AKAP1: variants seen among roughly 807,000 people sequenced by gnomAD.
AKAP1 encodes A-kinase anchoring protein 1.
A neutral mutation model predicts 79.8 loss-of-function variants in AKAP1; 32 were observed. The observed-to-expected ratio is 0.40, with a 90% CI of 0.30 to 0.54. The LOEUF (loss-of-function observed/expected upper bound fraction) is 0.54, where lower values mean the gene tolerates loss of function less well. AKAP1 is among the 20% of genes least tolerant of loss of function. The pLI is 0.47. For missense variants in AKAP1, 961 were observed against 1,138.9 expected (o/e 0.84, Z 2.25); for synonymous variants, 416 against 466.7 (o/e 0.89, Z 1.40).
Position 57,116,740 on chromosome 17 carries a change from C to G in AKAP1, c.2433-120C>G, listed in dbSNP as rs181455849. 4 of 978,852 alleles carry G rather than the reference C, an allele frequency of 4.1e-6. No individual in the cohort carries two copies. In the African/African-American group the frequency reaches 4.8e-5, roughly 12 times the overall value. 60.6% of individuals were successfully genotyped at this position (978,852 alleles called of 1,614,324 possible). A position where few individuals can be genotyped will look rare whatever the true frequency, so the allele number is the denominator to read the frequency against. On this transcript the variant is annotated intron_variant, in intron 7 of 10. Transcript: ENST00000337714. ...GTGAGCCGTGGCCTCCTGCAAAGTA[C>G]GAACCCTCTGCTTTGCTGCATCCCA...
chr17:57,118,085 G>T (rs1322330962), intron 8 of AKAP1, among the ~76,000 whole-genome samples: 2 of 152,178 alleles, frequency 1.3e-5, no homozygotes, highest in South Asian at 2.1e-4. Context: ...TGGTGGGGGT[G>T]GGGGTGGTGC....
At chr17:57,111,148 T>C (rs1193481692) in intron 3 of AKAP1, among the ~76,000 whole-genome samples, 3 of 152,162 alleles carry the variant, frequency 2.0e-5, no homozygotes, top group Admixed American at 6.5e-5. Context: ...CAGTAGCTCC[T>C]CCGGGAGGGG....
intron 2 of AKAP1, 67 bp from the exon 3 acceptor site, chr17:57,109,958 T>G: frequency 1.3e-6 from 2 of 1,575,266 alleles, no homozygotes; most frequent in African/African-American, 1.4e-5. Flanking sequence ...GTTTGGGAAG[T>G]TCTTGGTTAC....
In AKAP1 at chr17:57,086,353, T is replaced by C. The variant is rs1211379185; in HGVS notation, c.-25+955T>C. ...AACTCTTTTGTGCCCTAGCTGAAGGTCTTCCTGTTTCCCTTCCAGGGAGGG... is the reference window on the plus strand; with the variant it reads ...AACTCTTTTGTGCCCTAGCTGAAGGCCTTCCTGTTTCCCTTCCAGGGAGGG... On this transcript the variant is annotated intron_variant, in intron 1 of 10. Coordinates refer to ENST00000337714, the MANE Select transcript of AKAP1 (RefSeq NM_003488.4). This position sits in a 1 kb window ranked among gnomAD's most constrained non-coding sequence, Gnocchi z 5.1. 1 of 447,290 alleles carries C rather than the reference T, an allele frequency of 2.2e-6. No individual in the cohort carries two copies. The highest frequency in any genetic ancestry group is 4.5e-6 in the Non-Finnish European group (1 of 223,918). 27.7% of individuals were successfully genotyped at this position (447,290 alleles called of 1,614,324 possible). A position where few individuals can be genotyped will look rare whatever the true frequency, so the allele number is the denominator to read the frequency against.
At chr17:57,117,433 G>C (rs1264653170) in intron 8 of AKAP1, among the ~76,000 whole-genome samples, 1 of 152,192 alleles carries the variant, frequency 6.6e-6, no homozygotes, top group Non-Finnish European at 1.5e-5. Flanking sequence ...GATGCTGGCT[G>C]TGAGAATTAC....
intron 9 of AKAP1, 138 bp from the exon 10 acceptor site, chr17:57,118,844 A>C: frequency 1.1e-6 from 1 of 901,906 alleles, no homozygotes; most frequent in Non-Finnish European, 1.8e-6. Context: ...CAGCATGGGC[A>C]CACCGCCTCA....
rs1045988489 is a variant in AKAP1, at chr17:57,109,963, G to A, written c.1715-62G>A. On this transcript the variant is annotated intron_variant, in intron 2 of 10. Transcript: ENST00000337714. ...GGGAATGTGAGTTTGGGAAGTTCTT[G>A]GTTACTGGCTGCTCTGAGTGGGGTC... The A allele has an allele frequency of 3.8e-6, 6 of 1,581,644 alleles. No homozygotes were observed. In the African/African-American group the frequency reaches 5.4e-5, roughly 14 times the overall value.
At chr17:57,114,385 T>C in intron 5 of AKAP1, 74 bp from the exon 6 acceptor site, 6 of 1,549,580 alleles carry the variant, frequency 3.9e-6, no homozygotes, top group Non-Finnish European at 5.3e-6. Flanking sequence ...AGACTTGCCC[T>C]TGGGTCTCGG....
intron 9 of AKAP1, 43 bp from the exon 10 acceptor site, chr17:57,118,939 C>T (rs1252911521): frequency 6.3e-7 from 1 of 1,593,156 alleles, no homozygotes; most frequent in Non-Finnish European, 8.6e-7. Flanking sequence ...TGAGTGGGGA[C>T]ACAAAACCTA....
chr17:57,118,940 A>G (rs542361212), intron 9 of AKAP1, 42 bp from the exon 10 acceptor site: 34 of 1,597,454 alleles, frequency 2.1e-5, no homozygotes, highest in Middle Eastern at 3.3e-4. Flanking sequence ...GAGTGGGGAC[A>G]CAAAACCTAA....
intron 9 of AKAP1, 111 bp downstream of exon 9, chr17:57,118,565 G>A (rs1915730998): frequency 9.1e-7 from 1 of 1,096,846 alleles, no homozygotes; most frequent in African/African-American, 1.5e-5. Context: ...AGTATTTAAG[G>A]AAAGGTGCAT....
rs143809329 is a variant in AKAP1, at chr17:57,097,304, TGTGA to T, written c.-24-8127_-24-8124del. On this transcript the variant is annotated intron_variant, in intron 1 of 10. Coordinates refer to ENST00000337714, the MANE Select transcript of AKAP1 (RefSeq NM_003488.4). ...GCTGCTTGTGGCGCAGGGGTGTGTG[TGTGA>T]GTGAGTGAGAGAGATTGATTCTTCC... Among the ~76,000 whole-genome samples, 914 of 152,170 alleles carry T rather than the reference TGTGA, an allele frequency of 6.0e-3. 8 individuals are homozygous for T. The highest frequency in any genetic ancestry group is 0.021 in the African/African-American group (864 of 41,538).
At chr17:57,085,713 CG>C (rs1185558560) in intron 1 of AKAP1, 1 of 152,282 alleles carries the variant, frequency 6.6e-6, no homozygotes, top group East Asian at 1.9e-4. Context: ...TCCCCACGCG[CG>C]TCACTGTCCT....
intron 1 of AKAP1, chr17:57,093,420 T>C (rs1315302495): frequency 6.6e-6 from 1 of 152,360 alleles, no homozygotes; most frequent in East Asian, 1.9e-4. Context: ...AGCCATCTGA[T>C]GCTGGCTAGC....
rs139768168 is a variant in AKAP1, at chr17:57,112,954, C to T, written c.2103+336C>T. ...ACAGGAGATTGGGTGTGTCCAGGGT[C>T]GCCGTTCACCACCTGAGACCTGGGT... On this transcript the variant is annotated intron_variant, in intron 5 of 10. Transcript: ENST00000337714. 2.6e-4 allele frequency among the ~76,000 whole-genome samples: 39 copies of T among 152,274 alleles called. No individual in the cohort carries two copies. The East Asian group carries it at 7.5e-3, about 29-fold the overall frequency.
Position 57,114,649 on chromosome 17 carries a change from C to T in AKAP1, c.2281+13C>T, listed in dbSNP as rs760181831. On this transcript the variant is annotated intron_variant, in intron 6 of 10. Coordinates refer to ENST00000337714, the MANE Select transcript of AKAP1 (RefSeq NM_003488.4). ...ACCCCAGTGGAAAGTAAGCAGTGCC[C>T]TGAGGGGTCGGGAAGGGGGACCCCT... The T allele has an allele frequency of 6.2e-7, 1 of 1,609,886 alleles. No homozygotes were observed. The highest frequency in any genetic ancestry group is 8.5e-7 in the Non-Finnish European group (1 of 1,177,924).
At chr17:57,109,340 C>T (rs1024351881) in intron 2 of AKAP1, among the ~76,000 whole-genome samples, 1 of 152,188 alleles carries the variant, frequency 6.6e-6, no homozygotes, top group African/African-American at 2.4e-5. Flanking sequence ...TGGGCATGAG[C>T]TTTGGCTCAG....
intron 6 of AKAP1, 84 bp from the exon 7 acceptor site, chr17:57,116,027 G>T: frequency 6.6e-7 from 1 of 1,510,954 alleles, no homozygotes; most frequent in Non-Finnish European, 8.9e-7. Flanking sequence ...GAGAGGTAAC[G>T]CAGGGAGGTG....
chr17:57,095,568 C>G (rs1914061087), intron 1 of AKAP1: 1 of 149,900 alleles, frequency 6.7e-6, no homozygotes, highest in African/African-American at 2.5e-5. Flanking sequence ...TCCCACCATG[C>G]TTTTCTCTGT....
Sources: gnomAD v4.1 joint callset for allele counts (sites outside exome capture counted in the v4.1 genomes callset) on GRCh38, gnomAD v4.1.1 for gene constraint, Gnocchi (gnomAD v3.1) non-coding constraint, MANE v1.5 for transcripts, NCBI Gene and HGNC (gene_info 2026-07-23, HGNC 2026-07-21) for gene names.